Variants in BHLHE40 observed in about 807,000 individuals in gnomAD.
The protein encoded by BHLHE40 is class E basic helix-loop-helix protein 40.
A neutral mutation model predicts 35.7 loss-of-function variants in BHLHE40; 3 were observed. The ratio of observed to expected loss-of-function variants is 0.08; its 90% confidence interval spans 0.04 to 0.22. The LOEUF is 0.22. Ranked by LOEUF, BHLHE40 falls within the 10% of genes least tolerant of loss-of-function variation. BHLHE40 has a pLI of 1.00. For missense variants in BHLHE40, 486 were observed against 524.0 expected, an observed-to-expected ratio of 0.93 and a Z score of 0.71; for synonymous variants, 236 against 213.0, an observed-to-expected ratio of 1.11 and a Z score of -0.94.
intron 3 of BHLHE40, among the ~76,000 whole-genome samples, chr3:4,980,679 T>C (rs1443311274): frequency 2.0e-5 from 3 of 152,146 alleles, no homozygotes; most frequent in African/African-American, 7.2e-5. Context: ...TTTTCAGGAT[T>C]CCCTAGTTTT....
At position 4,983,877 on chromosome 3, in the gene BHLHE40, T is replaced by G. The variant is rs1296526061; in HGVS notation, c.*185T>G. 3.9e-6 allele frequency: 3 copies of G among 774,298 alleles called. No homozygotes were observed. Among genetic ancestry groups the G allele is most frequent in the Non-Finnish European group, 6.0e-6 (3 of 501,972 alleles). 48.0% of individuals were successfully genotyped at this position (774,298 alleles called of 1,614,324 possible). Reference sequence around the variant, plus strand: ...GTGTATGTGCGTGTGCGTGCACATGTGTGCCTGCGTGTTGGTATAGGACTT... The same window carrying G: ...GTGTATGTGCGTGTGCGTGCACATGGGTGCCTGCGTGTTGGTATAGGACTT... On this transcript the variant is annotated 3_prime_UTR_variant, in exon 5 of 5. Coordinates refer to ENST00000256495, the MANE Select transcript of BHLHE40 (RefSeq NM_003670.3). The surrounding 1 kb of genome is among the most constrained non-coding windows in gnomAD (Gnocchi z 5.0).
Position 4,983,010 on chromosome 3 carries a change from G to A in BHLHE40, c.557G>A (p.Gly186Asp). ...HRVVSELLQG[G>D]TSRKPSDPAP... The stretch of plus-strand genomic sequence containing the variant: ...GTGGTCTCGGAGCTGCTGCAGGGTG[G>A]TACCTCCAGGAAGCCATCAGACCCA... The change falls in exon 5 of 5, where the codon GGT becomes GAT. Residue 186 changes from glycine to aspartate, a missense_variant. Around this residue, in one of 5 missense-constraint regions of BHLHE40, gnomAD observed 176 missense variants for 180.5 expected, o/e 0.98. Transcript: ENST00000256495. This position sits in a 1 kb window ranked among gnomAD's most constrained non-coding sequence, Gnocchi z 5.0. 6.2e-7 allele frequency: 1 copy of A among 1,613,674 alleles called. No individual in the cohort carries two copies. The highest frequency in any genetic ancestry group is 8.5e-7 in the Non-Finnish European group (1 of 1,179,650).
At chr3:4,980,590 A>C (rs2053184474) in intron 3 of BHLHE40, among the ~76,000 whole-genome samples, 182 bp downstream of exon 3, 1 of 152,172 alleles carries the variant, frequency 6.6e-6, no homozygotes, top group Non-Finnish European at 1.5e-5. Context: ...CATGCAAATG[A>C]GGCGAGAACC....
intron 4 of BHLHE40, among the ~76,000 whole-genome samples, chr3:4,982,213 G>C (rs1296084507): frequency 6.6e-6 from 1 of 152,190 alleles, no homozygotes; most frequent in East Asian, 1.9e-4. Flanking sequence ...CAAAAACCCA[G>C]CTAGTGCTTC....
rs772375895 is a variant in BHLHE40, at chr3:4,980,064, C to CA, written c.150+34dup. On this transcript the variant is annotated intron_variant, in intron 2 of 4. Coordinates refer to ENST00000256495, the MANE Select transcript of BHLHE40 (RefSeq NM_003670.3). ...AGTGCACCCCTAGGGACCCTGCGCT[C>CA]AGCCCCTCGCGCGCGCTGAGTTTCC... 34 of 1,608,588 alleles carry CA rather than the reference C, an allele frequency of 2.1e-5. No homozygotes were observed. In the East Asian group the frequency reaches 4.7e-4, roughly 22 times the overall value.
rs1474186124 is a variant in BHLHE40, at chr3:4,983,736, T to C, written c.*44T>C. ...CTGCTTTGCTTTCCTTCCTCGCTAC[T>C]TCCTAAAAAGCAACAAAAAAGTTTT... On this transcript the variant is annotated 3_prime_UTR_variant, in exon 5 of 5. Transcript: ENST00000256495. This position sits in a 1 kb window ranked among gnomAD's most constrained non-coding sequence, Gnocchi z 5.0. The C allele has an allele frequency of 1.3e-6, 2 of 1,535,580 alleles. No homozygotes were observed. The highest frequency in any genetic ancestry group is 2.5e-5 in the South Asian group (2 of 79,784).
In BHLHE40 at chr3:4,983,713, G is replaced by T; in HGVS notation, c.*21G>T. 1 of 1,557,954 alleles carries T rather than the reference G, an allele frequency of 6.4e-7. No individual in the cohort carries two copies. The highest frequency in any genetic ancestry group is 8.7e-7 in the Non-Finnish European group (1 of 1,155,882). On this transcript the variant is annotated 3_prime_UTR_variant, in exon 5 of 5. Transcript: ENST00000256495. The surrounding 1 kb of genome is among the most constrained non-coding windows in gnomAD (Gnocchi z 5.0). The stretch of plus-strand genomic sequence containing the variant: ...ACTAAACTCTCTAGGGGATCCTGCT[G>T]CTTTGCTTTCCTTCCTCGCTACTTC...
rs1284242795 is a variant in BHLHE40, at chr3:4,982,863, C to G, written c.410C>G (p.Thr137Arg). 1.9e-6 allele frequency: 3 copies of G among 1,614,098 alleles called. No homozygotes were observed. ...GAGCTGTCAGGGAGAAATGTCGAAA[C>G]AGGTCAAGAGATGTTCTGCTCAGGT... ...AGELSGRNVE[T>R]GQEMFCSGFQ... Residue 137 changes from threonine to arginine, a missense_variant, in exon 5 of 5, where the codon ACA (threonine) becomes AGA (arginine). By Grantham distance (71) the Thr-to-Arg change is moderately conservative. Coordinates refer to ENST00000256495, the MANE Select transcript of BHLHE40 (RefSeq NM_003670.3).
At position 4,985,242 on chromosome 3, in the gene BHLHE40, C is replaced by A. The variant is rs981912377; in HGVS notation, c.*1550C>A. 1 of 152,366 alleles carries A rather than the reference C, an allele frequency of 6.6e-6. No homozygotes were observed. Among genetic ancestry groups the A allele is most frequent in the Non-Finnish European group, 1.5e-5 (1 of 68,020 alleles). 9.4% of individuals were successfully genotyped at this position (152,366 alleles called of 1,614,324 possible). The stretch of plus-strand genomic sequence containing the variant: ...GTGTGATATGGCTGACTCCCATGTC[C>A]TTCTTTCTTGGCTGAAGCAAACCAG... On this transcript the variant is annotated 3_prime_UTR_variant, in exon 5 of 5. Coordinates refer to ENST00000256495, the MANE Select transcript of BHLHE40 (RefSeq NM_003670.3).
Position 4,980,141 on chromosome 3 carries a change from C to T in BHLHE40, c.150+110C>T, listed in dbSNP as rs1281926277. ...GGCGAGGGGATGCAGGGTGTGGGCT[C>T]GGTGCCTCTTCTGAGTGACTTGGAA... On this transcript the variant is annotated intron_variant, in intron 2 of 4. Coordinates refer to ENST00000256495, the MANE Select transcript of BHLHE40 (RefSeq NM_003670.3). The T allele has an allele frequency of 3.2e-6, 4 of 1,234,966 alleles. No individual in the cohort carries two copies. In the African/African-American group the frequency reaches 4.6e-5, roughly 14 times the overall value. The allele number at this position is 1,234,966 out of a possible 1,614,324, so 76.5% of individuals were successfully genotyped here.
At position 4,982,917 on chromosome 3, in the gene BHLHE40, A is replaced by G; in HGVS notation, c.464A>G (p.Gln155Arg). The change falls in exon 5 of 5, where the codon CAG (glutamine) becomes CGG (arginine). Residue 155 changes from glutamine (Q) to arginine (R), a missense_variant. Physicochemically the swap from Gln to Arg is conservative, Grantham distance 43. Around this residue, in one of 5 missense-constraint regions of BHLHE40, gnomAD observed 176 missense variants for 180.5 expected, o/e 0.98. Coordinates refer to ENST00000256495, the MANE Select transcript of BHLHE40 (RefSeq NM_003670.3). ...GFQTCAREVL[Q>R]YLAKHENTRD... ...CAGACATGTGCCCGGGAGGTGCTTC[A>G]GTATCTGGCCAAGCACGAGAACACT... 6.2e-7 allele frequency: 1 copy of G among 1,614,162 alleles called. No homozygotes were observed. The highest frequency in any genetic ancestry group is 1.1e-5 in the South Asian group (1 of 91,074).
In BHLHE40 at chr3:4,983,760, T is replaced by C; in HGVS notation, c.*68T>C. On this transcript the variant is annotated 3_prime_UTR_variant, in exon 5 of 5. Coordinates refer to ENST00000256495, the MANE Select transcript of BHLHE40 (RefSeq NM_003670.3). This position sits in a 1 kb window ranked among gnomAD's most constrained non-coding sequence, Gnocchi z 5.0. ...CTTCCTAAAAAGCAACAAAAAAGTT[T>C]TTGTGAATGCTGCAAGATTGTTGCA... The C allele has an allele frequency of 1.3e-6, 2 of 1,505,052 alleles. No individual in the cohort carries two copies. Among genetic ancestry groups the C allele is most frequent in the Non-Finnish European group, 1.8e-6 (2 of 1,129,066 alleles). 93.2% of individuals were successfully genotyped at this position (1,505,052 alleles called of 1,614,324 possible).
rs1382384111 is a variant in BHLHE40 at position 4,983,434 on chromosome 3, G to T, written c.981G>T (p.Leu327=). The T allele has an allele frequency of 6.2e-7, 1 of 1,614,138 alleles. No homozygotes were observed. The highest frequency in any genetic ancestry group is 1.1e-5 in the South Asian group (1 of 91,086). ...CTCCTTTCTGCCTGCCCTTCTACCT[G>T]ATCCCACCTTCAGCGACTGCCTACC... is the stretch of plus-strand genomic sequence containing the variant. ...HQPPFCLPFY[L]IPPSATAYLP... The change falls in exon 5 of 5, where the codon CTG becomes CTT. Residue 327 remains leucine, a synonymous_variant. Transcript: ENST00000256495. This position sits in a 1 kb window ranked among gnomAD's most constrained non-coding sequence, Gnocchi z 5.0.
intron 3 of BHLHE40, 134 bp downstream of exon 3, chr3:4,980,542 G>C: frequency 1.5e-6 from 1 of 689,322 alleles, no homozygotes; most frequent in Admixed American, 2.5e-5. Flanking sequence ...CTCTGCGGTG[G>C]GGTCCTCCTC....
intron 4 of BHLHE40, 127 bp downstream of exon 4, chr3:4,981,642 G>A (rs1165018406): frequency 4.7e-6 from 6 of 1,276,240 alleles, no homozygotes; most frequent in Non-Finnish European, 6.4e-6. Context: ...TGGGGGAGAT[G>A]CAGTTTTATC....
At chr3:4,980,862 GT>G in intron 3 of BHLHE40, among the ~76,000 whole-genome samples, 1 of 144,524 alleles carries the variant, frequency 6.9e-6, no homozygotes, top group East Asian at 2.0e-4. Flanking sequence ...GCAGCCTTTG[GT>G]TGGGGAAATG....
At chr3:4,980,723 C>T (rs1041452356) in intron 3 of BHLHE40, among the ~76,000 whole-genome samples, 6 of 152,160 alleles carry the variant, frequency 3.9e-5, no homozygotes, top group African/African-American at 1.4e-4. Flanking sequence ...GAAACACACA[C>T]ATTTTATTTA....
At chr3:4,982,788 C>A (rs746954581) in intron 4 of BHLHE40, 48 bp from the exon 5 acceptor site, 3 of 1,606,096 alleles carry the variant, frequency 1.9e-6, no homozygotes, top group Non-Finnish European at 2.5e-6. Context: ...TTTCCAGGTG[C>A]GCCACAGGCC....
At position 4,983,510 on chromosome 3, in the gene BHLHE40, C is replaced by T; in HGVS notation, c.1057C>T (p.Pro353Ser). 2 of 1,614,132 alleles carry T rather than the reference C, an allele frequency of 1.2e-6. No homozygotes were observed. Among genetic ancestry groups the T allele is most frequent in the East Asian group, 2.2e-5 (1 of 44,882 alleles). Reference sequence around the variant, plus strand: ...TCCCACCTCAGTGCCAGTGCTATACCCAGGCCTCAACGCCTCTGCCGCAGC... The same window carrying T: ...TCCCACCTCAGTGCCAGTGCTATACTCAGGCCTCAACGCCTCTGCCGCAGC... Reference protein sequence around the residue: ...WYPTSVPVLYPGLNASAAALS... With the variant: ...WYPTSVPVLYSGLNASAAALS... The change falls in exon 5 of 5, where the codon CCA (proline) becomes TCA (serine). Residue 353 changes from proline (P) to serine (S), a missense_variant. Coordinates refer to ENST00000256495, the MANE Select transcript of BHLHE40 (RefSeq NM_003670.3). The surrounding 1 kb of genome is among the most constrained non-coding windows in gnomAD (Gnocchi z 5.0).
Sources: gnomAD v4.1 joint callset for allele counts (sites outside exome capture counted in the v4.1 genomes callset) on GRCh38, gnomAD v4.1.1 for gene constraint, gnomAD v4.1.1 regional missense constraint, Gnocchi (gnomAD v3.1) non-coding constraint, MANE v1.5 for transcripts, NCBI Gene and HGNC (gene_info 2026-07-23, HGNC 2026-07-21) for gene names.